CPSF6: variants seen among roughly 807,000 people sequenced by gnomAD.
CPSF6 encodes the protein cleavage and polyadenylation specificity factor subunit 6.
CPSF6 carries 10 observed loss-of-function variants against 56.7 expected under a neutral mutation model. That is an observed-to-expected ratio of 0.18 (90% CI 0.11 to 0.30). The LOEUF is 0.30. Among genes scored for constraint, CPSF6 ranks in the 10% least tolerant of loss-of-function variants. The pLI is 1.00. For synonymous variants in CPSF6, 248 were observed against 244.8 expected, an observed-to-expected ratio of 1.01 and a Z score of -0.12; for missense variants, 419 against 722.9, an observed-to-expected ratio of 0.58 and a Z score of 4.82.
At position 69,259,082 on chromosome 12, in the gene CPSF6, GCCC is replaced by G; in HGVS notation, c.1191_1193del (p.Pro398del). ...CCACCATATGATAGGGGTGACTATG[GCCC>G]CCCTGGAAGGTAAGTTAGTGTGTAT... On this transcript the variant is annotated inframe_deletion, in exon 6 of 10. Transcript: ENST00000435070. The G allele has an allele frequency of 6.2e-7, 1 of 1,600,374 alleles. No individual in the cohort carries two copies. The highest frequency in any genetic ancestry group is 8.5e-7 in the Non-Finnish European group (1 of 1,178,998).
At chr12:69,262,967 G>A (rs985447417) in intron 9 of CPSF6, among the ~76,000 whole-genome samples, 15 of 151,966 alleles carry the variant, frequency 9.9e-5, no homozygotes, top group African/African-American at 3.6e-4. Context: ...AAAATAAATG[G>A]AAAGTTACTA....
intron 7 of CPSF6, among the ~76,000 whole-genome samples, 185 bp downstream of exon 7, chr12:69,259,728 C>T (rs1341137334): frequency 6.6e-6 from 1 of 152,092 alleles, no homozygotes; most frequent in African/African-American, 2.4e-5. Flanking sequence ...TGGGGAAAAT[C>T]CAAATTTTAA....
In CPSF6 at chr12:69,258,008, C is replaced by T. The variant is rs547371713; in HGVS notation, c.694+103C>T. On this transcript the variant is annotated intron_variant, in intron 5 of 9. Transcript: ENST00000435070. This position sits in a 1 kb window ranked among gnomAD's most constrained non-coding sequence, Gnocchi z 4.2. ...ATGCATTATTAATGTGACTTACTCT[C>T]CTTGTTATGCTATTTTTGGAATCCA... The T allele has an allele frequency of 1.3e-6, 2 of 1,529,212 alleles. No individual in the cohort carries two copies. The highest frequency in any genetic ancestry group is 1.9e-5 in the Admixed American group (1 of 51,866). 94.7% of individuals were successfully genotyped at this position (1,529,212 alleles called of 1,614,324 possible). A position where few individuals can be genotyped will look rare whatever the true frequency, so the allele number is the denominator to read the frequency against.
At chr12:69,259,124 T>G (rs1052523487) in intron 6 of CPSF6, 30 bp downstream of exon 6, 26 of 1,568,514 alleles carry the variant, frequency 1.7e-5, no homozygotes, top group Non-Finnish European at 2.1e-5. Context: ...TGAAAGTACT[T>G]GATGATAAAA....
At chr12:69,244,021 G>T (rs139326790) in intron 1 of CPSF6, among the ~76,000 whole-genome samples, 3 of 152,106 alleles carry the variant, frequency 2.0e-5, no homozygotes, top group African/African-American at 7.2e-5. Context: ...TTTTTGTAGG[G>T]ATGAGGTCCC....
In CPSF6 at chr12:69,262,806, TAAC is replaced by T. The variant is rs372172141; in HGVS notation, c.*3+247_*3+249del. 3.3e-3 allele frequency among the ~76,000 whole-genome samples: 496 copies of T among 152,318 alleles called. 2 individuals are homozygous for T. Among genetic ancestry groups the T allele is most frequent in the African/African-American group, 0.01 (422 of 41,576 alleles). On this transcript the variant is annotated intron_variant, in intron 9 of 9. Coordinates refer to ENST00000435070, the MANE Select transcript of CPSF6 (RefSeq NM_007007.3). ...TCAGGTTTCAAATAGTTAATGGTCT[TAAC>T]AAAGCAAGGAAATAATCAAGAGGAC...
At chr12:69,240,596 A>G (rs928283679) in intron 1 of CPSF6, among the ~76,000 whole-genome samples, 1 of 152,136 alleles carries the variant, frequency 6.6e-6, no homozygotes, top group African/African-American at 2.4e-5. Flanking sequence ...ATTAAAATGA[A>G]AGAACGTTCA....
chr12:69,261,469 G>T (rs1425845025), intron 8 of CPSF6, among the ~76,000 whole-genome samples: 1 of 150,166 alleles, frequency 6.7e-6, no homozygotes, highest in Non-Finnish European at 1.5e-5. Flanking sequence ...GGAGGCTGTG[G>T]TGGGAGGGTT....
intron 1 of CPSF6, among the ~76,000 whole-genome samples, chr12:69,242,387 T>A (rs1470632381): frequency 6.6e-6 from 1 of 152,190 alleles, no homozygotes; most frequent in Admixed American, 6.5e-5. Flanking sequence ...CAGTATTATT[T>A]CAAAAAGTGA....
intron 9 of CPSF6, among the ~76,000 whole-genome samples, chr12:69,263,855 T>G (rs1367333052): frequency 6.6e-6 from 1 of 152,092 alleles, no homozygotes; most frequent in Non-Finnish European, 1.5e-5. Flanking sequence ...AAGGCTGGTT[T>G]TGATACTTTG....
intron 1 of CPSF6, among the ~76,000 whole-genome samples, chr12:69,249,379 T>C (rs974366123): frequency 6.6e-6 from 1 of 151,796 alleles, no homozygotes; most frequent in Non-Finnish European, 1.5e-5. Context: ...CCATAATATC[T>C]TGTTGCTCTG....
intron 3 of CPSF6, among the ~76,000 whole-genome samples, chr12:69,255,832 C>T (rs1412473009): frequency 4.6e-5 from 7 of 152,152 alleles, no homozygotes; most frequent in South Asian, 2.1e-4. Context: ...CCACTGCACC[C>T]GGCCTCTCCA....
intron 1 of CPSF6, among the ~76,000 whole-genome samples, chr12:69,243,220 C>T (rs1259493888): frequency 6.6e-6 from 1 of 152,204 alleles, no homozygotes; most frequent in Non-Finnish European, 1.5e-5. Flanking sequence ...GAGATACCTA[C>T]ATACAGTAGT....
chr12:69,248,311 C>T (rs546264069), intron 1 of CPSF6, among the ~76,000 whole-genome samples: 1 of 152,004 alleles, frequency 6.6e-6, no homozygotes, highest in Non-Finnish European at 1.5e-5. Flanking sequence ...CTGTTAATAA[C>T]CCTTCCATTC....
intron 9 of CPSF6, among the ~76,000 whole-genome samples, chr12:69,267,708 T>C (rs963136338): frequency 6.6e-6 from 1 of 151,856 alleles, no homozygotes; most frequent in African/African-American, 2.4e-5. Flanking sequence ...ATGTAAAGTG[T>C]TTAGAAATAG....
chr12:69,243,499 T>A (rs1305179638), intron 1 of CPSF6, among the ~76,000 whole-genome samples: 1 of 152,232 alleles, frequency 6.6e-6, no homozygotes, highest in Admixed American at 6.5e-5. Context: ...CTATATGGTG[T>A]AGCCTGTTGC....
At chr12:69,255,902 G>A (rs1872489707) in intron 3 of CPSF6, among the ~76,000 whole-genome samples, 1 of 152,126 alleles carries the variant, frequency 6.6e-6, no homozygotes, top group Non-Finnish European at 1.5e-5. Context: ...GTGGTATCTT[G>A]TGGTTTTGAT....
chr12:69,239,581 GC>G lies in CPSF6; in HGVS notation c.-65del, dbSNP rs1321689427. On this transcript the variant is annotated 5_prime_UTR_variant, in exon 1 of 10. Coordinates refer to ENST00000435070, the MANE Select transcript of CPSF6 (RefSeq NM_007007.3). ...CCCCCCCACCGCCGCTAGATCCGCT[GC>G]TGCTGCCGCGGCGGGCAGACCTGCA... is the stretch of plus-strand genomic sequence containing the variant. 71 of 1,519,108 alleles carry G rather than the reference GC, an allele frequency of 4.7e-5. No individual in the cohort carries two copies. The highest frequency in any genetic ancestry group is 3.4e-4 in the Admixed American group (16 of 47,402). The allele number at this position is 1,519,108 out of a possible 1,614,324, so 94.1% of individuals were successfully genotyped here.
At chr12:69,245,496 G>T (rs528210843) in intron 1 of CPSF6, among the ~76,000 whole-genome samples, 1 of 152,186 alleles carries the variant, frequency 6.6e-6, no homozygotes, top group Non-Finnish European at 1.5e-5. Flanking sequence ...GGCATCCACT[G>T]GGGGTCTTGG....
Sources: gnomAD v4.1 joint callset for allele counts (sites outside exome capture counted in the v4.1 genomes callset) on GRCh38, gnomAD v4.1.1 for gene constraint, Gnocchi (gnomAD v3.1) non-coding constraint, MANE v1.5 for transcripts, NCBI Gene and HGNC (gene_info 2026-07-23, HGNC 2026-07-21) for gene names.